The following PCDHGA3 variants were observed in gnomAD, a reference collection of about 807,000 sequenced individuals.
The protein encoded by PCDHGA3 is protocadherin gamma subfamily A, 3, also known as protocadherin gamma-A3.
In PCDHGA3, 40 loss-of-function variants were observed where a neutral mutation model predicts 58.5. The ratio of observed to expected loss-of-function variants is 0.68; its 90% confidence interval spans 0.53 to 0.89. The LOEUF (loss-of-function observed/expected upper bound fraction) is 0.89. Ranked by LOEUF, PCDHGA3 falls within the 40% of genes least tolerant of loss-of-function variation. PCDHGA3 has a pLI of 0.00. For missense variants in PCDHGA3, 1,223 were observed against 1,195.9 expected (o/e 1.02, Z -0.33); for synonymous variants, 530 against 525.7 (o/e 1.01, Z -0.11).
intron 1 of PCDHGA3, chr5:141,428,460 T>G (rs558111052): frequency 2.8e-6 from 1 of 351,434 alleles, no homozygotes; most frequent in African/African-American, 2.1e-5. Context: ...CCAACTACAA[T>G]GAGGGAACTT....
chr5:141,480,533 G>A (rs2099521308), intron 1 of PCDHGA3, among the ~76,000 whole-genome samples: 1 of 127,758 alleles, frequency 7.8e-6, no homozygotes, highest in African/African-American at 3.6e-5. Flanking sequence ...CAAAGTAGAA[G>A]CACATATGAA....
chr5:141,350,969 C>T lies in PCDHGA3; in HGVS notation c.2424+4512C>T, dbSNP rs745995257. 4.3e-6 allele frequency: 7 copies of T among 1,614,098 alleles called. No individual in the cohort carries two copies. The Admixed American group carries it at 1.2e-4, about 27-fold the overall frequency. On this transcript the variant is annotated intron_variant, in intron 1 of 3. Coordinates refer to ENST00000253812, the MANE Select transcript of PCDHGA3 (RefSeq NM_018916.4). ...AGTTACGGATGCCAATGATAATGCT[C>T]CCGTGTTTAGCCAGGAGGTATACAG...
At chr5:141,355,356 G>C in intron 1 of PCDHGA3, 2 of 1,614,044 alleles carry the variant, frequency 1.2e-6, no homozygotes, top group South Asian at 2.2e-5. Context: ...CCAAGGACCT[G>C]GGGTTGGCGC....
At chr5:141,360,504 G>A in intron 1 of PCDHGA3, 1 of 1,613,932 alleles carries the variant, frequency 6.2e-7, no homozygotes, top group Non-Finnish European at 8.5e-7. Context: ...CAGTAATTGT[G>A]CAGGATATAA....
chr5:141,396,592 C>G (rs886214200), intron 1 of PCDHGA3: 3 of 151,870 alleles, frequency 2.0e-5, no homozygotes, highest in Admixed American at 2.0e-4. Context: ...TGCACTCCAG[C>G]CTGGGCAACA....
Position 141,415,188 on chromosome 5 carries a change from C to G in PCDHGA3, c.2424+68731C>G, listed in dbSNP as rs2095841560. On this transcript the variant is annotated intron_variant, in intron 1 of 3. Coordinates refer to ENST00000253812, the MANE Select transcript of PCDHGA3 (RefSeq NM_018916.4). Reference sequence around the variant, plus strand: ...CGCTCACCGTGGCCGTGGCCGACAGCATCCCCCAAGTCCTGGCGGACCTCG... The same window carrying G: ...CGCTCACCGTGGCCGTGGCCGACAGGATCCCCCAAGTCCTGGCGGACCTCG... 3 of 1,614,006 alleles carry G rather than the reference C, an allele frequency of 1.9e-6. No homozygotes were observed. The East Asian group carries it at 6.7e-5, about 36-fold the overall frequency.
chr5:141,408,082 G>A, intron 1 of PCDHGA3: 1 of 1,417,366 alleles, frequency 7.1e-7, no homozygotes, highest in Non-Finnish European at 9.3e-7. Context: ...TCCCAGCACA[G>A]CGGATTGCCA....
rs925541311 is a variant in PCDHGA3 at position 141,431,452 on chromosome 5, G to C, written c.2425-63355G>C. 11 of 1,613,630 alleles carry C rather than the reference G, an allele frequency of 6.8e-6. No individual in the cohort carries two copies. The highest frequency in any genetic ancestry group is 9.3e-6 in the Non-Finnish European group (11 of 1,179,982). On this transcript the variant is annotated intron_variant, in intron 1 of 3. Transcript: ENST00000253812. The surrounding 1 kb of genome is among the most constrained non-coding windows in gnomAD (Gnocchi z 4.8). ...CAGGCACCGCGCGCATCCGCGTGAT[G>C]GTTCTGGATGCGAACGACAACGCAC...
rs781367282 is a variant in PCDHGA3 at position 141,485,525 on chromosome 5, C to G, written c.2425-9282C>G. On this transcript the variant is annotated intron_variant, in intron 1 of 3. Transcript: ENST00000253812. This position sits in a 1 kb window ranked among gnomAD's most constrained non-coding sequence, Gnocchi z 5.7. ...CACCGAAGGTCCTTTGGAAATGTAC[C>G]GAGCAGAGGTAGAGATCGTAGATGT... is the stretch of plus-strand genomic sequence containing the variant. 5 of 1,614,122 alleles carry G rather than the reference C, an allele frequency of 3.1e-6. No homozygotes were observed. The highest frequency in any genetic ancestry group is 2.5e-6 in the Non-Finnish European group (3 of 1,180,022).
chr5:141,443,243 C>T (rs755331096), intron 1 of PCDHGA3, among the ~76,000 whole-genome samples: 9 of 151,618 alleles, frequency 5.9e-5, no homozygotes, highest in Non-Finnish European at 1.0e-4. Flanking sequence ...CACTTTGGGG[C>T]GCCAAGGCGG....
At chr5:141,361,013 A>C (rs185853995) in intron 1 of PCDHGA3, 1 of 1,613,268 alleles carries the variant, frequency 6.2e-7, no homozygotes, top group South Asian at 1.1e-5. Flanking sequence ...CACTTTTTCA[A>C]CTTAAATGAA....
chr5:141,389,990 C>T (rs2091998485), intron 1 of PCDHGA3: 3 of 1,614,044 alleles, frequency 1.9e-6, no homozygotes, highest in Non-Finnish European at 8.5e-7. Context: ...TGCTCTTCCT[C>T]GTGGCCATGA....
chr5:141,374,884 C>T (rs1770914347), intron 1 of PCDHGA3: 1 of 1,613,714 alleles, frequency 6.2e-7, no homozygotes, highest in African/African-American at 1.3e-5. Context: ...TGACTGCCAC[C>T]GACCAGGATG....
At chr5:141,423,091 G>C (rs1243671863) in intron 1 of PCDHGA3, 11 of 1,613,908 alleles carry the variant, frequency 6.8e-6, no homozygotes, top group South Asian at 2.2e-5. Context: ...CGCGGTGGGG[G>C]AGCACACGGG....
chr5:141,399,198 G>T (rs1370289172), intron 1 of PCDHGA3: 1 of 1,613,816 alleles, frequency 6.2e-7, no homozygotes, highest in African/African-American at 1.3e-5. Context: ...AAAACGCGGT[G>T]CCTGGAACAC....
At chr5:141,430,716 G>T (rs1327065498) in intron 1 of PCDHGA3, 2 of 1,487,962 alleles carry the variant, frequency 1.3e-6, no homozygotes, top group African/African-American at 2.8e-5. Context: ...CCTGACTTCA[G>T]TGGTTAAGGG....
At chr5:141,371,563 T>C in intron 1 of PCDHGA3, 2 of 1,613,806 alleles carry the variant, frequency 1.2e-6, no homozygotes, top group Non-Finnish European at 1.7e-6. Flanking sequence ...AAAGGAAACT[T>C]CCCCTTTAAA....
In PCDHGA3 at chr5:141,430,950, T is replaced by A. The variant is rs756423770; in HGVS notation, c.2425-63857T>A. 7 of 1,609,862 alleles carry A rather than the reference T, an allele frequency of 4.3e-6. No individual in the cohort carries two copies. Among genetic ancestry groups the A allele is most frequent in the Non-Finnish European group, 5.1e-6 (6 of 1,178,368 alleles). On this transcript the variant is annotated intron_variant, in intron 1 of 3. Transcript: ENST00000253812. ...CCCCGGGAGCTCGCGGAGCGCGGAG[T>A]CCGCATCATCCCCAGAGGTAGGACG... is the stretch of plus-strand genomic sequence containing the variant.
rs756658304 is a variant in PCDHGA3, at chr5:141,485,531, G to C, written c.2425-9276G>C. 6.8e-6 allele frequency: 11 copies of C among 1,614,218 alleles called. No homozygotes were observed. In the Admixed American group the frequency reaches 1.5e-4, roughly 22 times the overall value. On this transcript the variant is annotated intron_variant, in intron 1 of 3. Transcript: ENST00000253812. This position sits in a 1 kb window ranked among gnomAD's most constrained non-coding sequence, Gnocchi z 5.7. ...AGGTCCTTTGGAAATGTACCGAGCA[G>C]AGGTAGAGATCGTAGATGTGAATGA... is the stretch of plus-strand genomic sequence containing the variant.
Sources: gnomAD v4.1 joint callset for allele counts (sites outside exome capture counted in the v4.1 genomes callset) on GRCh38, gnomAD v4.1.1 for gene constraint, Gnocchi (gnomAD v3.1) non-coding constraint, MANE v1.5 for transcripts, NCBI Gene and HGNC (gene_info 2026-07-23, HGNC 2026-07-21) for gene names.